The following PTK2 variants were observed in gnomAD, a reference collection of about 807,000 sequenced individuals.
PTK2 encodes the protein protein tyrosine kinase 2.
Under a neutral mutation model 150.1 loss-of-function variants are expected in PTK2, and 45 were observed. The observed-to-expected ratio is 0.30, with a 90% confidence interval of 0.24 to 0.38. The LOEUF is 0.38. Among genes scored for constraint, PTK2 ranks in the 10% least tolerant of loss-of-function variants. The pLI, the probability that PTK2 is intolerant of heterozygous loss-of-function variation, is 1.00. For synonymous variants in PTK2, 432 were observed against 449.2 expected, an observed-to-expected ratio of 0.96 and a Z score of 0.48; for missense variants, 919 against 1,307.3, an observed-to-expected ratio of 0.70 and a Z score of 4.58.
intron 1 of PTK2, among the ~76,000 whole-genome samples, chr8:140,935,555 C>T (rs1046704269): frequency 2.0e-5 from 3 of 152,078 alleles, no homozygotes; most frequent in East Asian, 1.9e-4. Flanking sequence ...CAAGGGAAGA[C>T]GGGGAGGGGT....
At chr8:140,782,258 G>GT (rs2100082181) in intron 14 of PTK2, among the ~76,000 whole-genome samples, 1 of 150,100 alleles carries the variant, frequency 6.7e-6, no homozygotes, top group South Asian at 2.1e-4. Flanking sequence ...TTTTTTTGGG[G>GT]GGGGGGACAG....
chr8:140,925,754 G>T lies in PTK2; in HGVS notation c.-121-5C>A. The T allele has an allele frequency of 1.5e-6, 1 of 666,950 alleles. No homozygotes were observed. Among genetic ancestry groups the T allele is most frequent in the Non-Finnish European group, 1.9e-6 (1 of 539,274 alleles). The allele number at this position is 666,950 out of a possible 1,614,324, so 41.3% of individuals were successfully genotyped here. ...GCAAGGGAGCCCCAGTTCTGCCTGT[G>T]AGACAAAGAAAATCATTTCAAAATC... On this transcript the variant is annotated splice_polypyrimidine_tract_variant and splice_region_variant and intron_variant, in intron 1 of 31. Transcript: ENST00000522684.
intron 16 of PTK2, among the ~76,000 whole-genome samples, chr8:140,756,439 T>C (rs2100065779): frequency 6.6e-6 from 1 of 152,130 alleles, no homozygotes; most frequent in African/African-American, 2.4e-5. Context: ...GGCTCACACC[T>C]GTAATCCCAG....
At chr8:140,804,489 G>A (rs2100097169) in intron 10 of PTK2, among the ~76,000 whole-genome samples, 1 of 151,928 alleles carries the variant, frequency 6.6e-6, no homozygotes, top group Non-Finnish European at 1.5e-5. Context: ...TCAGGAGGCT[G>A]AGTCTGCGCC....
At chr8:140,724,516 A>G (rs916258083) in intron 22 of PTK2, among the ~76,000 whole-genome samples, 9 of 152,306 alleles carry the variant, frequency 5.9e-5, no homozygotes, top group South Asian at 2.1e-4. Flanking sequence ...TTGATACTTA[A>G]AGGAATCATG....
chr8:140,838,282 T>C (rs906980881), intron 7 of PTK2, among the ~76,000 whole-genome samples: 6 of 152,168 alleles, frequency 3.9e-5, no homozygotes. Flanking sequence ...AATATAAATT[T>C]CTAAATGGCT....
chr8:140,693,213 G>A (rs1444234362), intron 26 of PTK2, among the ~76,000 whole-genome samples: 1 of 152,024 alleles, frequency 6.6e-6, no homozygotes, highest in Non-Finnish European at 1.5e-5. Flanking sequence ...ATATTTGCAG[G>A]CACAGAACTA....
At chr8:140,978,823 G>A (rs28858118) in intron 1 of PTK2, among the ~76,000 whole-genome samples, 62,646 of 150,752 alleles carry the variant, frequency 0.42, 14,939 homozygotes, top group Non-Finnish European at 0.55. Context: ...TGTTTATTGC[G>A]GCACTATTCA....
At chr8:140,845,091 C>T (rs1330328866) in intron 7 of PTK2, among the ~76,000 whole-genome samples, 2 of 152,210 alleles carry the variant, frequency 1.3e-5, no homozygotes, top group Non-Finnish European at 2.9e-5. Context: ...TCATCATTCT[C>T]ACATGGACAA....
At chr8:140,794,840 T>C (rs889208484) in intron 12 of PTK2, among the ~76,000 whole-genome samples, 16 of 152,182 alleles carry the variant, frequency 1.1e-4, no homozygotes, top group African/African-American at 3.9e-4. Flanking sequence ...TCCAAATGCA[T>C]ACCTCTAGCT....
chr8:140,830,754 A>T (rs1663530235), intron 7 of PTK2, among the ~76,000 whole-genome samples: 1 of 152,232 alleles, frequency 6.6e-6, no homozygotes, highest in African/African-American at 2.4e-5. Flanking sequence ...TTTAAATAGA[A>T]ATCCTTTTGG....
At chr8:140,944,084 G>A (rs770229709) in intron 1 of PTK2, among the ~76,000 whole-genome samples, 1 of 152,082 alleles carries the variant, frequency 6.6e-6, no homozygotes, top group Non-Finnish European at 1.5e-5. Flanking sequence ...ATGCAAAGAC[G>A]GATTGAAAGA....
intron 3 of PTK2, among the ~76,000 whole-genome samples, chr8:140,881,422 C>T (rs1041823294): frequency 5.9e-5 from 9 of 152,250 alleles, no homozygotes; most frequent in African/African-American, 2.2e-4. Context: ...ACAAAAGCTC[C>T]TGGTTCCCTG....
At chr8:140,752,166 A>T in intron 17 of PTK2, 66 bp downstream of exon 20, 1 of 1,307,348 alleles carries the variant, frequency 7.6e-7, no homozygotes, top group Non-Finnish European at 1.1e-6. Flanking sequence ...TTATTTCTTC[A>T]GAGACAGTTT....
chr8:140,907,084 T>G (rs2100161199), intron 2 of PTK2, among the ~76,000 whole-genome samples: 1 of 152,236 alleles, frequency 6.6e-6, no homozygotes, highest in Non-Finnish European at 1.5e-5. Context: ...ATGCTCAATC[T>G]GATTTACCAA....
At chr8:140,945,722 C>T (rs1183085843) in intron 1 of PTK2, among the ~76,000 whole-genome samples, 1 of 152,166 alleles carries the variant, frequency 6.6e-6, no homozygotes, top group East Asian at 1.9e-4. Context: ...AAAAGCTCTT[C>T]AGGGCAAAGT....
At chr8:140,890,930 G>T (rs2100154027) in intron 2 of PTK2, among the ~76,000 whole-genome samples, 161 bp from the exon 3 acceptor site, 1 of 151,880 alleles carries the variant, frequency 6.6e-6, no homozygotes, top group Non-Finnish European at 1.5e-5. Context: ...AATAATAGCT[G>T]TCTCTCCCCA....
chr8:140,884,991 C>T (rs2100151751), intron 3 of PTK2, among the ~76,000 whole-genome samples: 1 of 152,084 alleles, frequency 6.6e-6, no homozygotes, highest in African/African-American at 2.4e-5. Flanking sequence ...GTTCAATGTA[C>T]CAGTCAGAAA....
intron 10 of PTK2, among the ~76,000 whole-genome samples, chr8:140,813,097 C>T (rs182890864): frequency 3.2e-4 from 48 of 152,280 alleles, no homozygotes; most frequent in Admixed American, 1.4e-3. Context: ...CATCACCATA[C>T]GGCACATACT....
Sources: allele counts gnomAD v4.1 joint callset (sites outside exome capture counted in the v4.1 genomes callset), GRCh38; gene constraint gnomAD v4.1.1; transcripts MANE v1.5; gene names NCBI Gene and HGNC (gene_info 2026-07-23, HGNC 2026-07-21).